The following USO1 variants were observed in gnomAD, a reference collection of about 807,000 sequenced individuals.
The protein encoded by USO1 is general vesicular transport factor p115.
A neutral mutation model predicts 124.5 loss-of-function variants in USO1; 57 were observed. The ratio of observed to expected loss-of-function variants is 0.46; its 90% confidence interval spans 0.37 to 0.57. The LOEUF (loss-of-function observed/expected upper bound fraction) is 0.57, where lower values mean the gene tolerates loss of function less well. Among genes scored for constraint, USO1 ranks in the 20% least tolerant of loss-of-function variants. USO1 has a pLI of 0.00. For synonymous variants in USO1, 369 were observed against 362.8 expected, an observed-to-expected ratio of 1.02 and a Z score of -0.19; for missense variants, 900 against 1,040.6, an observed-to-expected ratio of 0.86 and a Z score of 1.86.
intron 13 of USO1, among the ~76,000 whole-genome samples, chr4:75,796,940 T>C (rs1296827761): frequency 6.6e-6 from 1 of 152,078 alleles, no homozygotes; most frequent in Non-Finnish European, 1.5e-5. Context: ...TGGATTTTTT[T>C]TTTTCTCAGA....
rs1365771024 is a variant in USO1, at chr4:75,796,417, C to A, written c.1452+2516C>A. Among the ~76,000 whole-genome samples the A allele has an allele frequency of 2.7e-5, 4 of 148,610 alleles. No homozygotes were observed. The East Asian group carries it at 8.2e-4, about 30-fold the overall frequency. On this transcript the variant is annotated intron_variant, in intron 13 of 23. Transcript: ENST00000514213. ...ATGGCACGATCTTGGCTCACCGCAA[C>A]CTCTGCCTTCTGGGTTCAAGCGATT...
chr4:75,799,511 C>G (rs377497881), intron 13 of USO1, 111 bp from the exon 14 acceptor site: 4 of 1,247,618 alleles, frequency 3.2e-6, no homozygotes, highest in Non-Finnish European at 4.4e-6. Context: ...TGGCTCATCT[C>G]TTGTAAGATG....
chr4:75,783,048 A>G (rs1296247839), intron 9 of USO1, among the ~76,000 whole-genome samples, 190 bp downstream of exon 9: 1 of 152,184 alleles, frequency 6.6e-6, no homozygotes, highest in Non-Finnish European at 1.5e-5. Flanking sequence ...TAGCTTTGAC[A>G]GTTATTAACA....
intron 8 of USO1, 90 bp downstream of exon 8, chr4:75,774,886 G>T (rs1223858736): frequency 2.8e-5 from 41 of 1,457,854 alleles, no homozygotes; most frequent in South Asian, 2.0e-4. Flanking sequence ...GAGAAATGGG[G>T]ACTCTTATTT....
intron 1 of USO1, among the ~76,000 whole-genome samples, chr4:75,745,874 T>C (rs1342211444): frequency 6.6e-6 from 1 of 151,764 alleles, no homozygotes; most frequent in African/African-American, 2.4e-5. Context: ...CACTCCAGCC[T>C]AGGCGACAGA....
At chr4:75,774,207 T>G (rs1722009942) in intron 7 of USO1, among the ~76,000 whole-genome samples, 1 of 152,186 alleles carries the variant, frequency 6.6e-6, no homozygotes, top group Admixed American at 6.5e-5. Context: ...TTTTGGGGAT[T>G]TGAAGGCCAG....
intron 1 of USO1, among the ~76,000 whole-genome samples, chr4:75,733,056 C>G (rs1403906683): frequency 4.0e-5 from 6 of 151,118 alleles, no homozygotes; most frequent in Admixed American, 2.6e-4. Flanking sequence ...GTCAGGAGTT[C>G]GAGACCAGCC....
intron 13 of USO1, among the ~76,000 whole-genome samples, chr4:75,799,202 G>C (rs2149188169): frequency 6.6e-6 from 1 of 151,374 alleles, no homozygotes; most frequent in South Asian, 2.1e-4. Flanking sequence ...TTTTTTTGAA[G>C]GAAGTAGAAT....
intron 1 of USO1, among the ~76,000 whole-genome samples, chr4:75,727,121 T>G (rs771168370): frequency 2.4e-4 from 37 of 152,328 alleles, no homozygotes; most frequent in Middle Eastern, 6.8e-3. Flanking sequence ...TCACAGTGAC[T>G]TCTGTAGAAA....
At chr4:75,799,317 G>A (rs1311954872) in intron 13 of USO1, among the ~76,000 whole-genome samples, 2 of 151,886 alleles carry the variant, frequency 1.3e-5, no homozygotes, top group African/African-American at 4.8e-5. Context: ...TTATTTTAAA[G>A]CCTCCACACT....
In USO1 at chr4:75,771,053, A is replaced by G. The variant is rs1171747083; in HGVS notation, c.500-29A>G. 3.1e-6 allele frequency: 5 copies of G among 1,600,056 alleles called. No individual in the cohort carries two copies. The African/African-American group carries it at 5.4e-5, about 17-fold the overall frequency. ...TCACTATTTGTATTTTTGGTCTGCC[A>G]GCATTTTTCACATGGTTGTATGTTC... On this transcript the variant is annotated intron_variant, in intron 6 of 23. Coordinates refer to ENST00000514213, the MANE Select transcript of USO1 (RefSeq NM_003715.4).
At chr4:75,725,959 C>T (rs1214667343) in intron 1 of USO1, among the ~76,000 whole-genome samples, 2 of 152,220 alleles carry the variant, frequency 1.3e-5, no homozygotes, top group East Asian at 1.9e-4. Context: ...AGAGTATTCT[C>T]ACCTTAAAAG....
chr4:75,774,808 A>G lies in USO1; in HGVS notation c.676+12A>G. 2 of 1,611,286 alleles carry G rather than the reference A, an allele frequency of 1.2e-6. No individual in the cohort carries two copies. Among genetic ancestry groups the G allele is most frequent in the African/African-American group, 1.3e-5 (1 of 74,956 alleles). On this transcript the variant is annotated intron_variant, in intron 8 of 23. Coordinates refer to ENST00000514213, the MANE Select transcript of USO1 (RefSeq NM_003715.4). ...GAACAGTGATGGAGGTATAGTATGAAGAAATTATTTGAAGACATTCCTTTT... is the reference window on the plus strand; with the variant it reads ...GAACAGTGATGGAGGTATAGTATGAGGAAATTATTTGAAGACATTCCTTTT...
chr4:75,742,285 TCA>T (rs1296011633), intron 1 of USO1, among the ~76,000 whole-genome samples: 5 of 152,346 alleles, frequency 3.3e-5, no homozygotes, highest in African/African-American at 9.6e-5. Context: ...TACACCAGCA[TCA>T]CCACAAACAC....
intron 13 of USO1, chr4:75,795,412 C>G (rs1722650637): frequency 1.4e-6 from 1 of 699,324 alleles, no homozygotes; most frequent in Non-Finnish European, 2.6e-6. Flanking sequence ...AGCTTTTTCT[C>G]TGTCTTGGGT....
chr4:75,741,226 T>G (rs1720949940), intron 1 of USO1, among the ~76,000 whole-genome samples: 1 of 152,158 alleles, frequency 6.6e-6, no homozygotes, highest in Admixed American at 6.6e-5. Context: ...GCATCTACAG[T>G]AAAATGTGGC....
chr4:75,805,261 A>T lies in USO1; in HGVS notation c.2247A>T (p.Leu749Phe). The change falls in exon 19 of 24, where the codon TTA becomes TTT. Residue 749 changes from leucine (L) to phenylalanine (F), a missense_variant. By Grantham distance (22) the Leu-to-Phe change is conservative. This residue lies in a region of USO1 where 362 missense variants were observed against 359.0 expected (regional missense o/e 1.01). Transcript: ENST00000514213. ...IEELKRNQEL[L>F]QSQLTEKDSM... is the part of the protein sequence containing the mutation. Reference sequence around the variant, plus strand: ...AATTAAAACGTAATCAGGAACTTTTACAAAGCCAGCTGACTGAAAAGGACT... The same window carrying T: ...AATTAAAACGTAATCAGGAACTTTTTCAAAGCCAGCTGACTGAAAAGGACT... The T allele has an allele frequency of 6.2e-7, 1 of 1,611,802 alleles. No homozygotes were observed. The highest frequency in any genetic ancestry group is 1.1e-5 in the South Asian group (1 of 90,486).
At chr4:75,806,721 C>G in intron 20 of USO1, 149 bp downstream of exon 20, 1 of 1,072,700 alleles carries the variant, frequency 9.3e-7, no homozygotes, top group Non-Finnish European at 1.3e-6. Context: ...GAAGCTGTTT[C>G]TATTTATATG....
intron 1 of USO1, 153 bp downstream of exon 1, chr4:75,725,038 C>G: frequency 1.3e-6 from 1 of 799,418 alleles, no homozygotes; most frequent in Non-Finnish European, 2.0e-6. Context: ...CTCCTGAAAT[C>G]CCAGAGTTAT....
Sources: allele counts gnomAD v4.1 joint callset (sites outside exome capture counted in the v4.1 genomes callset), GRCh38; gene constraint gnomAD v4.1.1; regional missense constraint gnomAD v4.1.1; transcripts MANE v1.5; gene names NCBI Gene and HGNC (gene_info 2026-07-23, HGNC 2026-07-21).